NRXN1: variants seen among roughly 807,000 people sequenced by gnomAD.
The protein encoded by NRXN1 is neurexin-1.
In NRXN1, 39 loss-of-function variants were observed where a neutral mutation model predicts 150.9. That is an observed-to-expected ratio of 0.26 (90% CI 0.20 to 0.34). The LOEUF (loss-of-function observed/expected upper bound fraction) is 0.34. NRXN1 is among the 10% of genes least tolerant of loss of function. NRXN1 has a pLI of 1.00. For synonymous variants in NRXN1, 924 were observed against 757.0 expected (o/e 1.22, Z -3.62); for missense variants, 1,815 against 1,949.9 (o/e 0.93, Z 1.30).
chr2:49,937,571 A>C (rs1483655434), intron 22 of NRXN1, among the ~76,000 whole-genome samples: 1 of 152,204 alleles, frequency 6.6e-6, no homozygotes, highest in Non-Finnish European at 1.5e-5. Flanking sequence ...CACGTTGCAC[A>C]CTGAAACCCA....
At chr2:50,457,406 G>C (rs1364073769) in intron 17 of NRXN1, among the ~76,000 whole-genome samples, 1 of 152,000 alleles carries the variant, frequency 6.6e-6, no homozygotes, top group Non-Finnish European at 1.5e-5. Context: ...GTACAGAAAA[G>C]AATATGGCCT....
At chr2:50,916,213 A>C (rs1685194038) in intron 5 of NRXN1, among the ~76,000 whole-genome samples, 2 of 150,848 alleles carry the variant, frequency 1.3e-5, no homozygotes, top group Admixed American at 6.6e-5. Context: ...ATTTTGGTTC[A>C]AAATTGTACA....
At chr2:50,661,623 T>G (rs1687317879) in intron 5 of NRXN1, among the ~76,000 whole-genome samples, 1 of 152,190 alleles carries the variant, frequency 6.6e-6, no homozygotes, top group African/African-American at 2.4e-5. Flanking sequence ...AGGAAAATTC[T>G]ATGGTACAGC....
intron 2 of NRXN1, among the ~76,000 whole-genome samples, chr2:51,015,019 C>T (rs370070006): frequency 6.6e-6 from 1 of 152,130 alleles, no homozygotes; most frequent in East Asian, 1.9e-4. Flanking sequence ...CTTTTCCTTC[C>T]TATTTCCCTT....
intron 18 of NRXN1, among the ~76,000 whole-genome samples, chr2:50,235,714 T>C (rs2065350937): frequency 6.6e-6 from 1 of 152,010 alleles, no homozygotes; most frequent in Admixed American, 6.6e-5. Context: ...TGAGCACTGA[T>C]AGAAGGAGAA....
intron 5 of NRXN1, among the ~76,000 whole-genome samples, chr2:50,705,163 A>G (rs1007632913): frequency 1.3e-5 from 2 of 152,054 alleles, no homozygotes; most frequent in Non-Finnish European, 2.9e-5. Flanking sequence ...TGATAAGTTG[A>G]CATTTTGACA....
Position 50,829,122 on chromosome 2 carries a change from G to T in NRXN1, c.832+92747C>A, listed in dbSNP as rs377531729. ...CACGTGCCTGCAATCGCAGGCACTC[G>T]GCAGGCTGAGGCAGGAGACTCAGGC... On this transcript the variant is annotated intron_variant, in intron 5 of 22. Transcript: ENST00000401669. Among the ~76,000 whole-genome samples the T allele has an allele frequency of 1.5e-4, 23 of 150,340 alleles. 1 individual carries two copies. Among genetic ancestry groups the T allele is most frequent in the East Asian group, 5.9e-4 (3 of 5,086 alleles).
intron 5 of NRXN1, among the ~76,000 whole-genome samples, chr2:50,646,596 A>T (rs932026873): frequency 2.6e-5 from 4 of 151,292 alleles, no homozygotes; most frequent in Non-Finnish European, 5.9e-5. Flanking sequence ...ACATTAATCT[A>T]TTTTCCACAC....
chr2:50,840,589 C>T (rs1044891313), intron 5 of NRXN1, among the ~76,000 whole-genome samples: 6 of 152,118 alleles, frequency 3.9e-5, no homozygotes, highest in African/African-American at 1.4e-4. Context: ...CCCTCAACAG[C>T]TGAGGTGCTC....
At chr2:50,561,154 T>C (rs879620177) in intron 8 of NRXN1, among the ~76,000 whole-genome samples, 2 of 152,310 alleles carry the variant, frequency 1.3e-5, no homozygotes, top group Middle Eastern at 3.4e-3. Context: ...GTGAACTGCT[T>C]AAAGTTACTG....
chr2:49,931,481 C>G (rs1173062145), intron 22 of NRXN1, among the ~76,000 whole-genome samples: 1 of 151,854 alleles, frequency 6.6e-6, no homozygotes, highest in Non-Finnish European at 1.5e-5. Flanking sequence ...TCATCTGACA[C>G]CCACAGTACT....
intron 2 of NRXN1, among the ~76,000 whole-genome samples, chr2:50,969,730 A>G (rs1694713969): frequency 6.6e-6 from 1 of 152,218 alleles, no homozygotes; most frequent in Admixed American, 6.5e-5. Context: ...TCTAGATCAA[A>G]GCTTTGGTTT....
chr2:50,383,220 ATGGTC>A (rs538015055), intron 17 of NRXN1, among the ~76,000 whole-genome samples: 41 of 152,276 alleles, frequency 2.7e-4, no homozygotes, highest in Non-Finnish European at 5.4e-4. Flanking sequence ...AGGACAGAAT[ATGGTC>A]TGGTCTGATC....
At chr2:50,281,316 C>CACAAAAAAACAAAACAAAACAAAAAAA (rs1187135501) in intron 17 of NRXN1, among the ~76,000 whole-genome samples, 14 of 124,710 alleles carry the variant, frequency 1.1e-4, no homozygotes, top group African/African-American at 3.1e-4. Context: ...GACTCCGTCT[C>CACAAAAAAACAAAACAAAACAAAAAAA]AAAAACAATA....
chr2:50,150,668 A>G (rs1234303734), intron 18 of NRXN1, among the ~76,000 whole-genome samples: 1 of 151,758 alleles, frequency 6.6e-6, no homozygotes, highest in African/African-American at 2.4e-5. Flanking sequence ...ATACCTATCT[A>G]TATTTTTTTG....
At chr2:50,940,207 G>C (rs546421135) in intron 2 of NRXN1, among the ~76,000 whole-genome samples, 1 of 152,252 alleles carries the variant, frequency 6.6e-6, no homozygotes, top group African/African-American at 2.4e-5. Context: ...GGCAGGCGTA[G>C]TGGCTCACAT....
At chr2:50,364,654 C>A (rs905104953) in intron 17 of NRXN1, among the ~76,000 whole-genome samples, 3 of 152,062 alleles carry the variant, frequency 2.0e-5, no homozygotes, top group Admixed American at 6.6e-5. Context: ...AAATTTGCTC[C>A]TTTCAACTAT....
At chr2:50,712,083 T>G (rs891592790) in intron 5 of NRXN1, among the ~76,000 whole-genome samples, 3 of 152,160 alleles carry the variant, frequency 2.0e-5, no homozygotes, top group African/African-American at 7.2e-5. Context: ...TGTATTCTTC[T>G]TAATACTTAC....
At chr2:50,632,893 G>C (rs1040282215) in intron 5 of NRXN1, 3 of 152,004 alleles carry the variant, frequency 2.0e-5, no homozygotes, top group African/African-American at 7.2e-5. Context: ...CTCCAGCAGA[G>C]AGTCCAGGCT....
Sources: gnomAD v4.1 joint callset for allele counts (sites outside exome capture counted in the v4.1 genomes callset) on GRCh38, gnomAD v4.1.1 for gene constraint, MANE v1.5 for transcripts, NCBI Gene and HGNC (gene_info 2026-07-23, HGNC 2026-07-21) for gene names.